The following PCTP variants were observed in gnomAD, a reference collection of about 807,000 sequenced individuals.
PCTP encodes the protein START domain-containing protein 2.
PCTP carries 27 observed loss-of-function variants against 31.0 expected under a neutral mutation model. That is an observed-to-expected ratio of 0.87 (90% CI 0.64 to 1.20). The LOEUF (loss-of-function observed/expected upper bound fraction) is 1.20, where lower values mean the gene tolerates loss of function less well. Among genes scored for constraint, PCTP ranks in the 50% most tolerant of loss-of-function variants. The probability of loss-of-function intolerance (pLI) is 0.00; values close to 1 mark genes in which losing one functional copy is unlikely to be tolerated. For synonymous variants in PCTP, 108 were observed against 101.2 expected (o/e 1.07, Z -0.40); for missense variants, 287 against 268.2 (o/e 1.07, Z -0.49).
chr17:55,845,085 CAAAAAAAAAAAAA>C (rs891404386), downstream of PCTP, among the ~76,000 whole-genome samples: 6 of 32,524 alleles, frequency 1.8e-4, 1 homozygote, highest in Middle Eastern at 0.019. Flanking sequence ...AAAACTCCAT[CAAAAAAAAAAAAA>C]AAAAAAAAAA....
chr17:55,765,322 G>A (rs1277159397), intron 1 of PCTP, among the ~76,000 whole-genome samples: 1 of 152,100 alleles, frequency 6.6e-6, no homozygotes, highest in African/African-American at 2.4e-5. Flanking sequence ...AACTCAACTT[G>A]TTCAAAAGAG....
downstream of PCTP, among the ~76,000 whole-genome samples, chr17:55,779,314 G>A (rs545948220): frequency 6.6e-6 from 1 of 152,214 alleles, no homozygotes; most frequent in South Asian, 2.1e-4. Context: ...GAAAATAAAA[G>A]GTGCTGTCAA....
At chr17:55,832,421 C>T (rs1905633047) in intron 5 of PCTP, among the ~76,000 whole-genome samples, 1 of 152,206 alleles carries the variant, frequency 6.6e-6, no homozygotes, top group Non-Finnish European at 1.5e-5. Context: ...TCCAGGAAGG[C>T]TTGGAATGAA....
chr17:55,828,885 G>A (rs528682289), intron 5 of PCTP, among the ~76,000 whole-genome samples: 17 of 152,298 alleles, frequency 1.1e-4, no homozygotes, highest in African/African-American at 3.4e-4. Context: ...AGGGAGTGCC[G>A]GATATGGCCC....
chr17:55,757,821 C>T (rs963675320), intron 1 of PCTP, among the ~76,000 whole-genome samples: 48 of 152,062 alleles, frequency 3.2e-4, no homozygotes, highest in African/African-American at 1.2e-3. Context: ...AAGTCAGAGG[C>T]AGGAGAATAC....
chr17:55,819,524 G>C (rs546101541), intron 3 of PCTP, among the ~76,000 whole-genome samples: 1 of 152,234 alleles, frequency 6.6e-6, no homozygotes, highest in East Asian at 1.9e-4. Flanking sequence ...AGGAGAGTGG[G>C]AGGATCATTT....
At chr17:55,767,123 T>G (rs1910707081) in intron 1 of PCTP, among the ~76,000 whole-genome samples, 1 of 152,222 alleles carries the variant, frequency 6.6e-6, no homozygotes, top group African/African-American at 2.4e-5. Context: ...GTTTTTTTCT[T>G]GTAAATTTGT....
At position 55,805,886 on chromosome 17, in the gene PCTP, A is replaced by ATGTG. The variant is rs58345619; in HGVS notation, c.318-16847_318-16844dup. ...TTATGGTCTCTCTCTCTCAATCTGT[A>ATGTG]TGTGTGTGTGTGTGTGTGTGTGTGT... On this transcript the variant is annotated intron_variant, in intron 3 of 3. Coordinates refer to the PCTP transcript ENST00000572536. Among the ~76,000 whole-genome samples the ATGTG allele has an allele frequency of 3.0e-3, 423 of 142,842 alleles. 4 individuals carry two copies. The highest frequency in any genetic ancestry group is 7.6e-3 in the African/African-American group (299 of 39,296). 93.7% of individuals were successfully genotyped at this position (142,842 alleles called of 152,430 possible). A position where few individuals can be genotyped will look rare whatever the true frequency, so the allele number is the denominator to read the frequency against.
At chr17:55,789,818 C>T (rs1048632255) in intron 3 of PCTP, among the ~76,000 whole-genome samples, 2 of 152,166 alleles carry the variant, frequency 1.3e-5, no homozygotes, top group Non-Finnish European at 2.9e-5. Context: ...CCAGCATCAT[C>T]CTGATACCAA....
intron 3 of PCTP, among the ~76,000 whole-genome samples, chr17:55,822,298 A>G (rs1277466202): frequency 6.6e-6 from 1 of 152,186 alleles, no homozygotes; most frequent in Non-Finnish European, 1.5e-5. Flanking sequence ...CTCAAGCCAA[A>G]TGTGCTGGGA....
intron 3 of PCTP, among the ~76,000 whole-genome samples, chr17:55,808,586 G>T (rs1346027154): frequency 6.6e-6 from 1 of 152,120 alleles, no homozygotes; most frequent in Non-Finnish European, 1.5e-5. Context: ...CAAAACAAGG[G>T]TCACATCAAC....
downstream of PCTP, among the ~76,000 whole-genome samples, chr17:55,846,372 G>C (rs1306103297): frequency 1.3e-5 from 2 of 152,176 alleles, no homozygotes; most frequent in African/African-American, 4.8e-5. Context: ...GCTCTAATGG[G>C]CCTTGAGGAT....
chr17:55,840,086 G>A (rs531993390), intron 5 of PCTP, among the ~76,000 whole-genome samples: 2 of 152,106 alleles, frequency 1.3e-5, no homozygotes, highest in African/African-American at 2.4e-5. Flanking sequence ...ACCAGTCACC[G>A]TTGCCCAAAG....
Position 55,773,715 on chromosome 17 carries a change from G to A in PCTP, c.340-9G>A. The stretch of plus-strand genomic sequence containing the variant: ...TGGCGTTGGTGTCTTGCCTTAACTG[G>A]CTATGCAGTATGTCTACCTTCGGCA... On this transcript the variant is annotated splice_polypyrimidine_tract_variant and intron_variant, in intron 3 of 5. Coordinates refer to ENST00000268896, the MANE Select transcript of PCTP (RefSeq NM_021213.4). The A allele has an allele frequency of 6.2e-7, 1 of 1,603,754 alleles. No individual in the cohort carries two copies. The highest frequency in any genetic ancestry group is 8.5e-7 in the Non-Finnish European group (1 of 1,171,926).
intron 3 of PCTP, among the ~76,000 whole-genome samples, chr17:55,789,153 C>G (rs1911863679): frequency 6.6e-6 from 1 of 152,136 alleles, no homozygotes; most frequent in African/African-American, 2.4e-5. Context: ...TGCACCCTTC[C>G]CCACTTCCAT....
At chr17:55,813,882 A>G (rs1434512097) in intron 3 of PCTP, among the ~76,000 whole-genome samples, 5 of 152,086 alleles carry the variant, frequency 3.3e-5, no homozygotes, top group Non-Finnish European at 7.4e-5. Flanking sequence ...GTTTTTACTA[A>G]AAATAAAAAC....
chr17:55,847,959 G>A, the PCTP span, among the ~76,000 whole-genome samples: 3 of 151,832 alleles, frequency 2.0e-5, no homozygotes, highest in East Asian at 3.9e-4. Context: ...GCCTCACTCT[G>A]TCTCCCAGGC....
intron 1 of PCTP, among the ~76,000 whole-genome samples, chr17:55,755,576 T>C (rs1909968785): frequency 6.6e-6 from 1 of 152,134 alleles, no homozygotes; most frequent in Non-Finnish European, 1.5e-5. Flanking sequence ...GTGGGCAATT[T>C]TGATGTACAG....
intron 3 of PCTP, among the ~76,000 whole-genome samples, chr17:55,820,752 A>G (rs1913088719): frequency 1.3e-5 from 2 of 152,224 alleles, no homozygotes; most frequent in African/African-American, 4.8e-5. Flanking sequence ...GAAGATATAC[A>G]AATGGCCAAT....
Sources: gnomAD v4.1 joint callset for allele counts (sites outside exome capture counted in the v4.1 genomes callset) on GRCh38, gnomAD v4.1.1 for gene constraint, MANE v1.5 for transcripts, NCBI Gene and HGNC (gene_info 2026-07-23, HGNC 2026-07-21) for gene names.